Variants in CD5 observed in about 807,000 individuals in gnomAD.
The protein encoded by CD5 is CD5 molecule.
Under a neutral mutation model 60.3 loss-of-function variants are expected in CD5, and 36 were observed. That is an observed-to-expected ratio of 0.60 (90% CI 0.46 to 0.79). The LOEUF (loss-of-function observed/expected upper bound fraction) is 0.79. Ranked by LOEUF, CD5 falls within the 30% of genes least tolerant of loss-of-function variation. CD5 has a pLI of 0.00. For synonymous variants in CD5, 230 were observed against 257.6 expected (o/e 0.89, Z 1.03); for missense variants, 540 against 630.6 (o/e 0.86, Z 1.54).
At chr11:61,115,221 G>C (rs1430899730) in intron 2 of CD5, 127 bp downstream of exon 2, 2 of 781,684 alleles carry the variant, frequency 2.6e-6, no homozygotes, top group Non-Finnish European at 4.1e-6. Flanking sequence ...CCTATAGAGA[G>C]AGTGAACCCC....
At chr11:61,097,205 C>T in the CD5 span, among the ~76,000 whole-genome samples, 8 of 152,114 alleles carry the variant, frequency 5.3e-5, no homozygotes, top group South Asian at 2.1e-4. Context: ...GTTATGTATG[C>T]GGAGGAACTG....
At chr11:61,122,796 A>ATT in intron 6 of CD5, 111 bp from the exon 7 acceptor site, 1 of 1,208,422 alleles carries the variant, frequency 8.3e-7, no homozygotes, top group Non-Finnish European at 1.2e-6. Context: ...ATGCTGGTGA[A>ATT]TTTCTCAGAT....
At chr11:61,124,829 G>A (rs1250451721) in intron 8 of CD5, among the ~76,000 whole-genome samples, 1 of 151,918 alleles carries the variant, frequency 6.6e-6, no homozygotes, top group Non-Finnish European at 1.5e-5. Context: ...ACCCAAACCT[G>A]CTCTAAAAGT....
At chr11:61,098,210 C>A (rs1261750866), upstream of CD5, among the ~76,000 whole-genome samples, 6 of 152,150 alleles carry the variant, frequency 3.9e-5, no homozygotes, top group Admixed American at 3.9e-4. Flanking sequence ...GCTTACTGCT[C>A]CCTTGTTTGC....
intron 8 of CD5, 80 bp downstream of exon 8, chr11:61,124,017 C>A: frequency 8.8e-7 from 1 of 1,133,056 alleles, no homozygotes; most frequent in South Asian, 1.3e-5. Flanking sequence ...CTCTGCTGAC[C>A]ACAGACGGAG....
chr11:61,116,418 TACAC>T (rs1289722402), intron 2 of CD5, among the ~76,000 whole-genome samples: 1 of 90,430 alleles, frequency 1.1e-5, no homozygotes, highest in African/African-American at 4.3e-5. Context: ...ACACCACACA[TACAC>T]ACAACCACAC....
chr11:61,103,672 TGA>T (rs1860734498), intron 1 of CD5, among the ~76,000 whole-genome samples: 4 of 143,190 alleles, frequency 2.8e-5, no homozygotes, highest in African/African-American at 8.7e-5. Context: ...ACTCTGTGTG[TGA>T]GTCTGTGTGT....
chr11:61,105,354 G>T (rs913102693), intron 1 of CD5, among the ~76,000 whole-genome samples: 1 of 152,196 alleles, frequency 6.6e-6, no homozygotes, highest in Non-Finnish European at 1.5e-5. Flanking sequence ...TTGAATTCCA[G>T]TCTGCCACTT....
Position 61,118,154 on chromosome 11 carries a change from C to A in CD5, c.95-21C>A, listed in dbSNP as rs1361352212. 3.1e-6 allele frequency: 5 copies of A among 1,608,024 alleles called. No individual in the cohort carries two copies. The South Asian group carries it at 5.5e-5, about 18-fold the overall frequency. On this transcript the variant is annotated intron_variant, in intron 2 of 10. Transcript: ENST00000347785. This position sits in a 1 kb window ranked among gnomAD's most constrained non-coding sequence, Gnocchi z 4.7. ...GGAACCCCTCCCAGCCTGACCCCCA[C>A]CACACCTTTCTGACCCCCAGATTTC...
intron 2 of CD5, among the ~76,000 whole-genome samples, chr11:61,117,523 C>G (rs1457071118): frequency 6.6e-6 from 1 of 151,710 alleles, no homozygotes; most frequent in Non-Finnish European, 1.5e-5. Context: ...GAATCTTGAT[C>G]TGTTACCCAG....
At chr11:61,109,539 CAA>C (rs1860822849) in intron 1 of CD5, among the ~76,000 whole-genome samples, 1 of 151,348 alleles carries the variant, frequency 6.6e-6, no homozygotes, top group African/African-American at 2.4e-5. Flanking sequence ...TAATTTGGCT[CAA>C]AAAATTTTTA....
chr11:61,108,093 GA>G (rs1188052317), intron 1 of CD5, among the ~76,000 whole-genome samples: 1 of 152,236 alleles, frequency 6.6e-6, no homozygotes, highest in Non-Finnish European at 1.5e-5. Flanking sequence ...TTCCTGATCT[GA>G]AAATGGAGGT....
chr11:61,095,861 C>T, the CD5 span, among the ~76,000 whole-genome samples: 5 of 152,220 alleles, frequency 3.3e-5, no homozygotes, highest in African/African-American at 1.2e-4. Flanking sequence ...ATCCAGATAG[C>T]CCTGAGAATC....
chr11:61,125,850 G>T lies in CD5; in HGVS notation c.*2+9G>T. 1 of 1,589,252 alleles carries T rather than the reference G, an allele frequency of 6.3e-7. No homozygotes were observed. ...GCTCAGAGGCTGTAAAGGTGAGCCC[G>T]TCTCCAGCCTGACCCCAGCACCCCA... On this transcript the variant is annotated intron_variant, in intron 10 of 10. Transcript: ENST00000347785.
chr11:61,117,436 A>G (rs1484355965), intron 2 of CD5, among the ~76,000 whole-genome samples: 1 of 152,194 alleles, frequency 6.6e-6, no homozygotes, highest in East Asian at 1.9e-4. Context: ...GTCAAATTCC[A>G]TCGAACAGTA....
chr11:61,122,863 T>C, intron 6 of CD5, 44 bp from the exon 7 acceptor site: 1 of 1,545,838 alleles, frequency 6.5e-7, no homozygotes, highest in Non-Finnish European at 8.8e-7. Context: ...ACAGTTTTTC[T>C]CCCCCCAGGA....
chr11:61,121,685 G>GGGGCTCAGT lies in CD5; in HGVS notation c.885_893dup (p.Gln296_Ala298dup). The GGGGCTCAGT allele has an allele frequency of 6.3e-7, 1 of 1,594,410 alleles. No homozygotes were observed. Among genetic ancestry groups the GGGGCTCAGT allele is most frequent in the Non-Finnish European group, 8.6e-7 (1 of 1,166,262 alleles). ...TGAAGGCACCGTGGAGGTGCGCCAG[G>GGGGCTCAGT]GGGCTCAGTGGGCAGCCCTGTGTGA... On this transcript the variant is annotated inframe_insertion, in exon 6 of 11. Coordinates refer to ENST00000347785, the MANE Select transcript of CD5 (RefSeq NM_014207.4).
intron 8 of CD5, 25 bp downstream of exon 8, chr11:61,123,962 C>A (rs1861109864): frequency 1.3e-6 from 2 of 1,593,234 alleles, no homozygotes; most frequent in Non-Finnish European, 1.7e-6. Flanking sequence ...AGGCAGGAGC[C>A]TCCCTCAGGC....
intron 1 of CD5, among the ~76,000 whole-genome samples, chr11:61,104,198 T>C (rs1225436329): frequency 6.6e-6 from 1 of 152,102 alleles, no homozygotes; most frequent in East Asian, 1.9e-4. Flanking sequence ...TGTGTGTGTG[T>C]GCTTTCATGA....
Sources: allele counts gnomAD v4.1 joint callset (sites outside exome capture counted in the v4.1 genomes callset), GRCh38; gene constraint gnomAD v4.1.1; non-coding constraint Gnocchi (gnomAD v3.1); transcripts MANE v1.5; gene names NCBI Gene and HGNC (gene_info 2026-07-23, HGNC 2026-07-21).